Variants in SMARCD1 observed in about 807,000 individuals in gnomAD.
SMARCD1 encodes SWI/SNF related BAF chromatin remodeling complex subunit D1.
In SMARCD1, 16 loss-of-function variants were observed where a neutral mutation model predicts 70.8. The observed-to-expected ratio is 0.23, with a 90% confidence interval of 0.15 to 0.34. The LOEUF (loss-of-function observed/expected upper bound fraction) is 0.34. Among genes scored for constraint, SMARCD1 ranks in the 10% least tolerant of loss-of-function variants. The pLI, the probability that SMARCD1 is intolerant of heterozygous loss-of-function variation, is 1.00. For missense variants in SMARCD1, 409 were observed against 655.5 expected, an observed-to-expected ratio of 0.62 and a Z score of 4.11; for synonymous variants, 249 against 246.0, an observed-to-expected ratio of 1.01 and a Z score of -0.11.
chr12:50,098,668 C>T (rs759820755), intron 11 of SMARCD1, 46 bp from the exon 12 acceptor site: 1 of 1,486,496 alleles, frequency 6.7e-7, no homozygotes, highest in African/African-American at 1.4e-5. Context: ...GGAAACAAGC[C>T]TTTTCTCCTC....
intron 4 of SMARCD1, 45 bp downstream of exon 4, chr12:50,086,923 A>G: frequency 6.3e-7 from 1 of 1,599,194 alleles, no homozygotes; most frequent in Non-Finnish European, 8.5e-7. Context: ...GAGAGGACCC[A>G]GGAACCTTCA....
rs1029951483 is a variant in SMARCD1, at chr12:50,085,912, A to G, written c.178-249A>G. On this transcript the variant is annotated intron_variant, in intron 1 of 12. Coordinates refer to ENST00000394963, the MANE Select transcript of SMARCD1 (RefSeq NM_003076.5). Reference sequence around the variant, plus strand: ...ATAGTAGCTAGCAGAGTAAATGTGGAACTGGCGATGTCCGATGTGTCCCAT... The same window carrying G: ...ATAGTAGCTAGCAGAGTAAATGTGGGACTGGCGATGTCCGATGTGTCCCAT... 1.3e-5 allele frequency: 5 copies of G among 399,844 alleles called. No homozygotes were observed. In the South Asian group the frequency reaches 5.8e-4, roughly 46 times the overall value. The allele number at this position is 399,844 out of a possible 1,614,324, so 24.8% of individuals were successfully genotyped here. A position where few individuals can be genotyped will look rare whatever the true frequency, so the allele number is the denominator to read the frequency against.
intron 9 of SMARCD1, among the ~76,000 whole-genome samples, chr12:50,094,153 C>T (rs1344486439): frequency 2.0e-5 from 3 of 152,176 alleles, no homozygotes; most frequent in African/African-American, 4.8e-5. Context: ...TTTTGTACTG[C>T]TTGAATTTTT....
chr12:50,092,910 G>T (rs529053483), intron 9 of SMARCD1, among the ~76,000 whole-genome samples: 1 of 152,128 alleles, frequency 6.6e-6, no homozygotes, highest in South Asian at 2.1e-4. Flanking sequence ...GGGCGCAGTG[G>T]CTCACGTCTG....
rs1950813430 is a variant in SMARCD1, at chr12:50,088,603, A to G, written c.737A>G (p.Lys246Arg). ...FFKSLVIELDKDLYGPDNHLV... is the reference protein window; with the variant it reads ...FFKSLVIELDRDLYGPDNHLV... ...AAGTCCTTGGTGATTGAACTGGACA[A>G]AGACCTGTATGGGCCAGACAACCAT... The change falls in exon 6 of 13, where the codon AAA becomes AGA. Residue 246 changes from lysine to arginine, a missense_variant. Physicochemically the swap from Lys to Arg is conservative, Grantham distance 26. Coordinates refer to ENST00000394963, the MANE Select transcript of SMARCD1 (RefSeq NM_003076.5). 1 of 1,609,700 alleles carries G rather than the reference A, an allele frequency of 6.2e-7. No individual in the cohort carries two copies. The highest frequency in any genetic ancestry group is 8.5e-7 in the Non-Finnish European group (1 of 1,176,634).
chr12:50,086,526 T>TC lies in SMARCD1; in HGVS notation c.366-92dup, dbSNP rs557010931. 205 of 1,306,106 alleles carry TC rather than the reference T, an allele frequency of 1.6e-4. 1 individual carries two copies. The African/African-American group carries it at 3.0e-3, about 19-fold the overall frequency. 80.9% of individuals were successfully genotyped at this position (1,306,106 alleles called of 1,614,324 possible). A position where few individuals can be genotyped will look rare whatever the true frequency, so the allele number is the denominator to read the frequency against. On this transcript the variant is annotated intron_variant, in intron 2 of 12. Transcript: ENST00000394963. ...TAGTTCTTTGAGAGAAGCTTTGCAG[T>TC]CCCTTCACATTACTATAAATGGACG...
intron 10 of SMARCD1, 139 bp downstream of exon 10, chr12:50,094,711 C>A: frequency 1.3e-6 from 1 of 772,378 alleles, no homozygotes; most frequent in Non-Finnish European, 2.1e-6. Flanking sequence ...CTGGTTTGAG[C>A]CAGACTCAAA....
At chr12:50,092,500 G>A (rs1265485856) in intron 9 of SMARCD1, among the ~76,000 whole-genome samples, 7 of 148,886 alleles carry the variant, frequency 4.7e-5, no homozygotes, top group Non-Finnish European at 3.0e-5. Context: ...GGGATTACAG[G>A]TGTGAGCCAC....
At chr12:50,089,852 G>A in intron 6 of SMARCD1, 32 bp from the exon 7 acceptor site, 1 of 1,524,198 alleles carries the variant, frequency 6.6e-7, no homozygotes, top group Non-Finnish European at 9.1e-7. Context: ...CTTCCTCTGG[G>A]AGAGCACCCC....
chr12:50,093,600 C>A lies in SMARCD1; in HGVS notation c.1134-837C>A, dbSNP rs544872179. The stretch of plus-strand genomic sequence containing the variant: ...CTGGGCTCAAGTGATCCTCCCACCT[C>A]GCCTCCTGAGCAGCTGGGACCACAG... On this transcript the variant is annotated intron_variant, in intron 9 of 12. Coordinates refer to ENST00000394963, the MANE Select transcript of SMARCD1 (RefSeq NM_003076.5). Among the ~76,000 whole-genome samples the A allele has an allele frequency of 4.6e-5, 7 of 152,244 alleles. No homozygotes were observed. The East Asian group carries it at 1.2e-3, about 25-fold the overall frequency.
In SMARCD1 at chr12:50,090,130, A is replaced by C. The variant is rs1950827970; in HGVS notation, c.874-111A>C. The C allele has an allele frequency of 8.9e-6, 12 of 1,351,300 alleles. No individual in the cohort carries two copies. The East Asian group carries it at 2.3e-4, about 26-fold the overall frequency. 83.7% of individuals were successfully genotyped at this position (1,351,300 alleles called of 1,614,324 possible). On this transcript the variant is annotated intron_variant, in intron 7 of 12. Coordinates refer to ENST00000394963, the MANE Select transcript of SMARCD1 (RefSeq NM_003076.5). ...TTAGTCATCTCTGAGTTCTTCCTAG[A>C]ATTTTTCTGTCCCAGAAAAAGCACT...
Position 50,099,296 on chromosome 12 carries a change from G to C in SMARCD1, c.*296G>C, listed in dbSNP as rs1950919403. 3.7e-6 allele frequency: 2 copies of C among 546,546 alleles called. No individual in the cohort carries two copies. Among genetic ancestry groups the C allele is most frequent in the South Asian group, 2.7e-5 (1 of 36,560 alleles). The allele number at this position is 546,546 out of a possible 1,614,324, so 33.9% of individuals were successfully genotyped here. A position where few individuals can be genotyped will look rare whatever the true frequency, so the allele number is the denominator to read the frequency against. ...GAGAGAGAACATGTAGTGGTAATGA[G>C]TGCTTGGAATGGATTGGGCCTCAGG... On this transcript the variant is annotated 3_prime_UTR_variant, in exon 13 of 13. Coordinates refer to ENST00000394963, the MANE Select transcript of SMARCD1 (RefSeq NM_003076.5).
chr12:50,085,606 A>C (rs990228655), intron 1 of SMARCD1, 60 bp downstream of exon 1: 675 of 780,682 alleles, frequency 8.6e-4, no homozygotes, highest in Admixed American at 1.5e-3. Flanking sequence ...GGGACATGGG[A>C]GTGACAGGGG....
chr12:50,097,821 G>A (rs933234504), intron 11 of SMARCD1, among the ~76,000 whole-genome samples: 50 of 149,050 alleles, frequency 3.4e-4, no homozygotes, highest in Non-Finnish European at 6.2e-4. Flanking sequence ...AACCTGGGAG[G>A]TAGAGGCTGC....
chr12:50,092,816 C>T (rs1247210088), intron 9 of SMARCD1, among the ~76,000 whole-genome samples: 1 of 152,022 alleles, frequency 6.6e-6, no homozygotes. Context: ...GTGGGTAGAT[C>T]ACTTGAGTCC....
Position 50,096,897 on chromosome 12 carries a change from G to A in SMARCD1, c.1317G>A (p.Glu439=). The A allele has an allele frequency of 6.2e-7, 1 of 1,613,778 alleles. No homozygotes were observed. Among genetic ancestry groups the A allele is most frequent in the Non-Finnish European group, 8.5e-7 (1 of 1,179,630 alleles). ...TCAACCAGCTGAAGACTCAGCGGGA[G>A]TTCATGCTGAGCTTTGCCAGAGACC... The part of the protein sequence containing the change: ...ETINQLKTQR[E]FMLSFARDPQ... Residue 439 remains glutamate, a synonymous_variant, in exon 11 of 13, where the codon GAG becomes GAA. Coordinates refer to ENST00000394963, the MANE Select transcript of SMARCD1 (RefSeq NM_003076.5).
At chr12:50,090,622 C>A in intron 9 of SMARCD1, 32 bp downstream of exon 9, 1 of 1,539,912 alleles carries the variant, frequency 6.5e-7, no homozygotes, top group South Asian at 1.1e-5. Flanking sequence ...AGTGCTGTGC[C>A]GGAGCTGCCT....
intron 6 of SMARCD1, 55 bp from the exon 7 acceptor site, chr12:50,089,829 T>TCCCCCCCCCCCC: frequency 1.3e-6 from 1 of 757,314 alleles, no homozygotes; most frequent in South Asian, 1.4e-5. Flanking sequence ...AGCTCTTCCC[T>TCCCCCCCCCCCC]CCCACCCCAG....
rs11443542 is a variant in SMARCD1, at chr12:50,090,821, C to CTTTTTTTTTT, written c.1133+242_1133+251dup. Reference sequence around the variant, plus strand: ...ATTATTACATTTTATTGTATTTGTGCTTTTTTTTTTTTTTTTTTTTGGAGA... The same window carrying CTTTTTTTTTT: ...ATTATTACATTTTATTGTATTTGTGCTTTTTTTTTTTTTTTTTTTTTTTTTTTTTTGGAGA... On this transcript the variant is annotated intron_variant, in intron 9 of 12. Coordinates refer to ENST00000394963, the MANE Select transcript of SMARCD1 (RefSeq NM_003076.5). Among the ~76,000 whole-genome samples, 6 of 102,436 alleles carry CTTTTTTTTTT rather than the reference C, an allele frequency of 5.9e-5. 1 individual carries two copies. Among genetic ancestry groups the CTTTTTTTTTT allele is most frequent in the African/African-American group, 7.9e-5 (2 of 25,232 alleles). 67.2% of individuals were successfully genotyped at this position (102,436 alleles called of 152,430 possible). A position where few individuals can be genotyped will look rare whatever the true frequency, so the allele number is the denominator to read the frequency against.
Sources: allele counts gnomAD v4.1 joint callset (sites outside exome capture counted in the v4.1 genomes callset), GRCh38; gene constraint gnomAD v4.1.1; transcripts MANE v1.5; gene names NCBI Gene and HGNC (gene_info 2026-07-23, HGNC 2026-07-21).